GCFC2: variants seen among roughly 807,000 people sequenced by gnomAD.
The protein encoded by GCFC2 is GC-rich sequence DNA-binding factor 2, also known as intron Large complex component GCFC2.
In GCFC2, 102 loss-of-function variants were observed where a neutral mutation model predicts 99.4. The observed-to-expected ratio is 1.03, with a 90% CI of 0.87 to 1.21. The LOEUF is 1.21. Among genes scored for constraint, GCFC2 ranks in the 50% most tolerant of loss-of-function variants. GCFC2 has a pLI of 0.00. For missense variants in GCFC2, 973 were observed against 920.9 expected (o/e 1.06, Z -0.73); for synonymous variants, 338 against 316.8 (o/e 1.07, Z -0.71).
intron 12 of GCFC2, among the ~76,000 whole-genome samples, chr2:75,675,545 C>G (rs963000477): frequency 7.2e-5 from 11 of 151,938 alleles, no homozygotes; most frequent in Non-Finnish European, 1.5e-4. Context: ...GAGTTTGAGA[C>G]CAGCCTGGCC....
rs558385089 is a variant in GCFC2, at chr2:75,677,552, C to CA, written c.1812+2640dup. Among the ~76,000 whole-genome samples, 6 of 152,316 alleles carry CA rather than the reference C, an allele frequency of 3.9e-5. No homozygotes were observed. In the South Asian group the frequency reaches 1.2e-3, roughly 32 times the overall value. Reference sequence around the variant, plus strand: ...GCTAAGCATACTATAGTGCACAGGACAAACCCTCACAACAAAAAATTATCT... The same window carrying CA: ...GCTAAGCATACTATAGTGCACAGGACAAAACCCTCACAACAAAAAATTATCT... On this transcript the variant is annotated intron_variant, in intron 12 of 16. Coordinates refer to ENST00000321027, the MANE Select transcript of GCFC2 (RefSeq NM_003203.5).
chr2:75,670,244 T>C lies in GCFC2; in HGVS notation c.1997A>G (p.Asp666Gly). ...TAGTCCTAGTTCTTGCAAGGTGTCATCTGTAAGGAGTCCATTCCAAAGAAG... is the reference window on the plus strand; with the variant it reads ...TAGTCCTAGTTCTTGCAAGGTGTCACCTGTAAGGAGTCCATTCCAAAGAAG... ...NILLWNGLLT[D>G]DTLQELGLGK... Residue 666 changes from aspartate to glycine, a missense_variant, in exon 15 of 17, where the codon GAT (aspartate) becomes GGT (glycine). Transcript: ENST00000321027. 5.0e-6 allele frequency: 8 copies of C among 1,606,804 alleles called. No individual in the cohort carries two copies. Among genetic ancestry groups the C allele is most frequent in the Non-Finnish European group, 6.8e-6 (8 of 1,173,438 alleles).
chr2:75,690,130 C>A (rs199904294), intron 8 of GCFC2, 49 bp from the exon 9 acceptor site: 24 of 1,067,242 alleles, frequency 2.2e-5, no homozygotes, highest in Middle Eastern at 2.0e-4. Context: ...GTAGTTCTTG[C>A]TGAAAATAAA....
At position 75,689,019 on chromosome 2, in the gene GCFC2, T is replaced by A. The variant is rs1679935518; in HGVS notation, c.1539+7A>T. Reference sequence around the variant, plus strand: ...AGGATAATTTTTCATATGTTAAGCATAAATACCTTAAGAGGATTCCAATCA... The same window carrying A: ...AGGATAATTTTTCATATGTTAAGCAAAAATACCTTAAGAGGATTCCAATCA... On this transcript the variant is annotated splice_region_variant and intron_variant, in intron 10 of 16. Transcript: ENST00000321027. The A allele has an allele frequency of 6.9e-7, 1 of 1,459,578 alleles. No homozygotes were observed. The highest frequency in any genetic ancestry group is 9.5e-7 in the Non-Finnish European group (1 of 1,053,456). 90.4% of individuals were successfully genotyped at this position (1,459,578 alleles called of 1,614,324 possible). A position where few individuals can be genotyped will look rare whatever the true frequency, so the allele number is the denominator to read the frequency against.
At chr2:75,706,427 C>A in intron 2 of GCFC2, 96 bp downstream of exon 2, 1 of 752,350 alleles carries the variant, frequency 1.3e-6, no homozygotes, top group Non-Finnish European at 2.1e-6. Flanking sequence ...GACCTACTTG[C>A]CCCATGTCAC....
chr2:75,666,002 A>G lies in GCFC2; in HGVS notation c.2155T>C (p.Ser719Pro). 1 of 1,603,382 alleles carries G rather than the reference A, an allele frequency of 6.2e-7. No individual in the cohort carries two copies. Among genetic ancestry groups the G allele is most frequent in the Non-Finnish European group, 8.5e-7 (1 of 1,170,936 alleles). Residue 719 changes from serine to proline, a missense_variant, in exon 16 of 17, where the codon TCT becomes CCT. Physicochemically the swap from Ser to Pro is moderately conservative, Grantham distance 74. Transcript: ENST00000321027. ...KWFENSAMRT[S>P]IPQLENFIQF... is the part of the protein sequence containing the mutation. Reference sequence around the variant, plus strand: ...ATGAAGTTTTCTAGCTGTGGAATAGATGTCCTCATGGCAGAATTTTCAAAC... The same window carrying G: ...ATGAAGTTTTCTAGCTGTGGAATAGGTGTCCTCATGGCAGAATTTTCAAAC...
chr2:75,707,623 C>T (rs1268502626), intron 1 of GCFC2, among the ~76,000 whole-genome samples: 1 of 152,154 alleles, frequency 6.6e-6, no homozygotes, highest in African/African-American at 2.4e-5. Flanking sequence ...ACAACCCATA[C>T]CTGTTTCCAA....
chr2:75,710,769 A>G lies in GCFC2; in HGVS notation c.87T>C (p.Pro29=). 6.4e-7 allele frequency: 1 copy of G among 1,571,432 alleles called. No individual in the cohort carries two copies. Among genetic ancestry groups the G allele is most frequent in the Non-Finnish European group, 8.6e-7 (1 of 1,163,424 alleles). Residue 29 remains proline (P), a synonymous_variant, in exon 1 of 17, where the codon CCT becomes CCC. Coordinates refer to ENST00000321027, the MANE Select transcript of GCFC2 (RefSeq NM_003203.5). The stretch of plus-strand genomic sequence containing the variant: ...GGACCGGAAGTTCCCTCGGCGCCCC[A>G]GGCTCAGCAGGCGACTCCTCGGCGC... ...SDGAEESPAE[P]GAPRELPVPG...
At chr2:75,677,777 T>G (rs141512109) in intron 12 of GCFC2, among the ~76,000 whole-genome samples, 15,457 of 152,122 alleles carry the variant, frequency 0.1, 815 homozygotes, top group Non-Finnish European at 0.13. Context: ...AGGAGATCAA[T>G]ACCATCCTGG....
At chr2:75,706,450 T>C in intron 2 of GCFC2, 73 bp downstream of exon 2, 1 of 967,440 alleles carries the variant, frequency 1.0e-6, no homozygotes, top group Non-Finnish European at 1.5e-6. Flanking sequence ...GAGTTTGTTA[T>C]GTCATTAATA....
rs1680320988 is a variant in GCFC2, at chr2:75,696,279, A to C, written c.754T>G (p.Ser252Ala). 6.6e-7 allele frequency: 1 copy of C among 1,508,174 alleles called. No individual in the cohort carries two copies. Among genetic ancestry groups the C allele is most frequent in the African/African-American group, 1.4e-5 (1 of 72,078 alleles). The allele number at this position is 1,508,174 out of a possible 1,614,324, so 93.4% of individuals were successfully genotyped here. A position where few individuals can be genotyped will look rare whatever the true frequency, so the allele number is the denominator to read the frequency against. Residue 252 changes from serine (S) to alanine (A), a missense_variant, in exon 5 of 17, where the codon TCA becomes GCA. Coordinates refer to ENST00000321027, the MANE Select transcript of GCFC2 (RefSeq NM_003203.5). ...GAAGTATCAAATTTCTTCACTTTTG[A>C]AGATCCATTGCCACAGGAAAGATCT... The part of the protein sequence containing the change: ...DIDLSCGNGS[S>A]KVKKFDTSIS...
At chr2:75,693,207 G>C (rs1260623942) in intron 6 of GCFC2, among the ~76,000 whole-genome samples, 3 of 152,182 alleles carry the variant, frequency 2.0e-5, no homozygotes, top group Non-Finnish European at 2.9e-5. Context: ...GGGAGGCTGA[G>C]ACAGGTGGAT....
Position 75,694,309 on chromosome 2 carries a change from G to C in GCFC2, c.952C>G (p.Leu318Val). Residue 318 changes from leucine (L) to valine (V), a missense_variant, in exon 6 of 17, where the codon CTA becomes GTA. Physicochemically the swap from Leu to Val is conservative, Grantham distance 32. Transcript: ENST00000321027. Reference sequence around the variant, plus strand: ...ATGCTTTTATAGAATTTACAATTTAGAGCTTGATTTGATGAACTCTCTAGG... The same window carrying C: ...ATGCTTTTATAGAATTTACAATTTACAGCTTGATTTGATGAACTCTCTAGG... ...QNLESSSNQA[L>V]NCKFYKSMKI... is the part of the protein sequence containing the mutation. 7.7e-7 allele frequency: 1 copy of C among 1,303,486 alleles called. No homozygotes were observed. The highest frequency in any genetic ancestry group is 1.1e-6 in the Non-Finnish European group (1 of 917,680). 80.7% of individuals were successfully genotyped at this position (1,303,486 alleles called of 1,614,324 possible).
intron 13 of GCFC2, 133 bp downstream of exon 13, chr2:75,673,307 CAAAA>C (rs1679202928): frequency 1.7e-6 from 1 of 599,530 alleles, no homozygotes; most frequent in South Asian, 1.9e-5. Flanking sequence ...GACTCAGTCT[CAAAA>C]GAAAAAAAAA....
At chr2:75,676,776 G>A (rs1679360606) in intron 12 of GCFC2, among the ~76,000 whole-genome samples, 1 of 152,082 alleles carries the variant, frequency 6.6e-6, no homozygotes, top group Non-Finnish European at 1.5e-5. Context: ...TAAACGCATG[G>A]GTGGGACATG....
intron 12 of GCFC2, among the ~76,000 whole-genome samples, chr2:75,676,593 T>C (rs1188699686): frequency 6.6e-6 from 1 of 152,176 alleles, no homozygotes; most frequent in Non-Finnish European, 1.5e-5. Flanking sequence ...TCACCAAATA[T>C]GCCATTCTTA....
chr2:75,684,415 T>C (rs1159365470), intron 11 of GCFC2, among the ~76,000 whole-genome samples: 1 of 152,238 alleles, frequency 6.6e-6, no homozygotes, highest in Non-Finnish European at 1.5e-5. Context: ...GAAGTAAAGA[T>C]GTTCTTTGAA....
rs540903166 is a variant in GCFC2 at position 75,681,854 on chromosome 2, C to T, written c.1691-1540G>A. Among the ~76,000 whole-genome samples, 19 of 152,020 alleles carry T rather than the reference C, an allele frequency of 1.2e-4. No homozygotes were observed. The South Asian group carries it at 3.1e-3, about 25-fold the overall frequency. ...GAAGTTCGACCTGGGCAGAGCCCAC[C>T]GAAGCTCAGCAAGGCCACTGCGGCC... On this transcript the variant is annotated intron_variant, in intron 11 of 16. Coordinates refer to ENST00000321027, the MANE Select transcript of GCFC2 (RefSeq NM_003203.5).
At chr2:75,692,872 T>A (rs1680148324) in intron 6 of GCFC2, among the ~76,000 whole-genome samples, 1 of 152,130 alleles carries the variant, frequency 6.6e-6, no homozygotes, top group Non-Finnish European at 1.5e-5. Flanking sequence ...TAAGTTGTGA[T>A]GTGATACAGA....
Sources: gnomAD v4.1 joint callset for allele counts (sites outside exome capture counted in the v4.1 genomes callset) on GRCh38, gnomAD v4.1.1 for gene constraint, MANE v1.5 for transcripts, NCBI Gene and HGNC (gene_info 2026-07-23, HGNC 2026-07-21) for gene names.